FIGN: variants seen among roughly 807,000 people sequenced by gnomAD.
The protein encoded by FIGN is fidgetin.
FIGN carries 11 observed loss-of-function variants against 51.3 expected under a neutral mutation model. The observed-to-expected ratio is 0.21, with a 90% CI of 0.13 to 0.35. The LOEUF is 0.35. FIGN is among the 10% of genes least tolerant of loss of function. The pLI, the probability that FIGN is intolerant of heterozygous loss-of-function variation, is 1.00. For missense variants in FIGN, 857 were observed against 943.6 expected (o/e 0.91, Z 1.20); for synonymous variants, 407 against 363.2 (o/e 1.12, Z -1.37).
Position 163,610,749 on chromosome 2 carries a change from C to A in FIGN, c.1083G>T (p.Arg361=). The change falls in exon 3 of 3, where the codon CGG becomes CGT. Residue 361 remains arginine (R), a synonymous_variant. Coordinates refer to ENST00000333129, the MANE Select transcript of FIGN (RefSeq NM_018086.4). ...MPDNSISNTN[R]GNGFDRSAET... Reference sequence around the variant, plus strand: ...CAGCACTTCTGTCAAAGCCATTCCCCCGATTTGTGTTTGAAATGCTGTTGT... The same window carrying A: ...CAGCACTTCTGTCAAAGCCATTCCCACGATTTGTGTTTGAAATGCTGTTGT... The A allele has an allele frequency of 6.2e-7, 1 of 1,614,160 alleles. No homozygotes were observed. The highest frequency in any genetic ancestry group is 8.5e-7 in the Non-Finnish European group (1 of 1,180,032).
chr2:163,675,135 C>A (rs1683936325), intron 2 of FIGN, among the ~76,000 whole-genome samples: 1 of 152,130 alleles, frequency 6.6e-6, no homozygotes, highest in Non-Finnish European at 1.5e-5. Context: ...TCTTATTGAT[C>A]CAAAAGATTT....
intron 2 of FIGN, among the ~76,000 whole-genome samples, chr2:163,635,546 C>T (rs1252944718): frequency 3.3e-5 from 5 of 151,968 alleles, no homozygotes; most frequent in East Asian, 3.9e-4. Context: ...CCTGCCTGGG[C>T]GACAGAGTGA....
At chr2:163,621,780 A>G (rs554974739) in intron 2 of FIGN, among the ~76,000 whole-genome samples, 22 of 152,314 alleles carry the variant, frequency 1.4e-4, no homozygotes, top group African/African-American at 5.1e-4. Context: ...TTTCATTTGT[A>G]AAAACAAAGA....
intron 2 of FIGN, among the ~76,000 whole-genome samples, chr2:163,682,135 TAAAAC>T (rs1684075705): frequency 6.6e-6 from 1 of 152,074 alleles, no homozygotes; most frequent in Non-Finnish European, 1.5e-5. Context: ...AATCTTTTGT[TAAAAC>T]AAACAAACAA....
chr2:163,650,833 G>A (rs2105321493), intron 2 of FIGN, among the ~76,000 whole-genome samples: 1 of 152,296 alleles, frequency 6.6e-6, no homozygotes, highest in South Asian at 2.1e-4. Flanking sequence ...TTTAGTACAT[G>A]TGCCTTCTAA....
At chr2:163,665,482 T>C (rs1683758941) in intron 2 of FIGN, among the ~76,000 whole-genome samples, 1 of 152,254 alleles carries the variant, frequency 6.6e-6, no homozygotes, top group Non-Finnish European at 1.5e-5. Context: ...GTTTTCCTCC[T>C]ACAGACTAAC....
At chr2:163,721,147 G>T (rs1684750853) in intron 2 of FIGN, among the ~76,000 whole-genome samples, 2 of 151,876 alleles carry the variant, frequency 1.3e-5, no homozygotes, top group African/African-American at 4.8e-5. Flanking sequence ...CTACCAGAAG[G>T]GTAAAGGAAA....
In FIGN at chr2:163,688,925, T is replaced by C. The variant is rs548552767; in HGVS notation, c.25+45978A>G. On this transcript the variant is annotated intron_variant, in intron 2 of 2. Coordinates refer to ENST00000333129, the MANE Select transcript of FIGN (RefSeq NM_018086.4). ...TGGCTCATGCCTGTAATCCCACCAC[T>C]TTGCAAAGCCAAAGCCAGCAGATCC... Among the ~76,000 whole-genome samples the C allele has an allele frequency of 7.2e-5, 11 of 152,212 alleles. No individual in the cohort carries two copies. In the South Asian group the frequency reaches 8.3e-4, roughly 11 times the overall value.
chr2:163,612,777 G>A (rs1682784185), intron 2 of FIGN, among the ~76,000 whole-genome samples: 2 of 129,376 alleles, frequency 1.5e-5, no homozygotes, highest in African/African-American at 3.3e-5. Context: ...TATTATATAT[G>A]AGAGAGAAAG....
chr2:163,703,091 A>C (rs1469088506), intron 2 of FIGN, among the ~76,000 whole-genome samples: 2 of 152,030 alleles, frequency 1.3e-5, no homozygotes, highest in African/African-American at 4.8e-5. Flanking sequence ...GGTTTATCAA[A>C]ATAAATGCTT....
intron 2 of FIGN, among the ~76,000 whole-genome samples, chr2:163,716,170 T>C (rs553212791): frequency 1.3e-5 from 2 of 152,166 alleles, no homozygotes; most frequent in Admixed American, 1.3e-4. Context: ...AGACATCAAG[T>C]TTTTAGGCAA....
At chr2:163,667,048 T>G (rs917676729) in intron 2 of FIGN, among the ~76,000 whole-genome samples, 1 of 152,142 alleles carries the variant, frequency 6.6e-6, no homozygotes, top group African/African-American at 2.4e-5. Context: ...GAGCCTGTTT[T>G]CCTTTCTGTA....
At chr2:163,615,001 T>G (rs895914628) in intron 2 of FIGN, among the ~76,000 whole-genome samples, 2 of 152,180 alleles carry the variant, frequency 1.3e-5, no homozygotes, top group Non-Finnish European at 2.9e-5. Flanking sequence ...TTGCATGGTT[T>G]AAGTCTAGCA....
intron 2 of FIGN, among the ~76,000 whole-genome samples, chr2:163,646,901 T>C (rs773691332): frequency 2.0e-5 from 3 of 152,232 alleles, no homozygotes; most frequent in Non-Finnish European, 2.9e-5. Context: ...AGTGTAATTA[T>C]AGTGATTACT....
At chr2:163,636,594 A>G (rs1246955048) in intron 2 of FIGN, among the ~76,000 whole-genome samples, 3 of 152,262 alleles carry the variant, frequency 2.0e-5, no homozygotes, top group East Asian at 3.9e-4. Context: ...TCTAATGGTG[A>G]TATTATAATG....
chr2:163,705,130 A>G (rs1684478332), intron 2 of FIGN, among the ~76,000 whole-genome samples: 1 of 152,188 alleles, frequency 6.6e-6, no homozygotes, highest in South Asian at 2.1e-4. Context: ...AAAAACATCT[A>G]TAGTACATAC....
intron 2 of FIGN, among the ~76,000 whole-genome samples, chr2:163,639,905 C>T (rs1683283080): frequency 6.6e-6 from 1 of 152,124 alleles, no homozygotes; most frequent in Non-Finnish European, 1.5e-5. Flanking sequence ...TAGATATATA[C>T]ATGAATATTT....
At chr2:163,615,682 T>G (rs969561063) in intron 2 of FIGN, among the ~76,000 whole-genome samples, 1 of 152,152 alleles carries the variant, frequency 6.6e-6, no homozygotes, top group Non-Finnish European at 1.5e-5. Context: ...TGGTTTCTCT[T>G]CAGAACATGG....
chr2:163,660,837 A>ATATATATACATATATATATG (rs796535726), intron 2 of FIGN, among the ~76,000 whole-genome samples: 1 of 32,286 alleles, frequency 3.1e-5, no homozygotes, highest in African/African-American at 8.3e-5. Flanking sequence ...ATGTATACAT[A>ATATATATACATATATATATG]TATACATATA....
Sources: allele counts gnomAD v4.1 joint callset (sites outside exome capture counted in the v4.1 genomes callset), GRCh38; gene constraint gnomAD v4.1.1; transcripts MANE v1.5; gene names NCBI Gene and HGNC (gene_info 2026-07-23, HGNC 2026-07-21).